Variants in ARHGAP15 observed in about 807,000 individuals in gnomAD.
ARHGAP15 encodes the protein rho GTPase-activating protein 15.
Under a neutral mutation model 63.7 loss-of-function variants are expected in ARHGAP15, and 51 were observed. The observed-to-expected ratio is 0.80, with a 90% CI of 0.64 to 1.01. ARHGAP15 has a LOEUF of 1.01. ARHGAP15 is among the 50% of genes least tolerant of loss of function. ARHGAP15 has a pLI of 0.00. For missense variants in ARHGAP15, 560 were observed against 564.6 expected (o/e 0.99, Z 0.08); for synonymous variants, 191 against 193.8 (o/e 0.99, Z 0.12).
chr2:143,379,531 G>GTA (rs1172037943), intron 6 of ARHGAP15, among the ~76,000 whole-genome samples: 5 of 142,492 alleles, frequency 3.5e-5, no homozygotes, highest in African/African-American at 1.3e-4. Flanking sequence ...GTGTGTGTGT[G>GTA]TATGAGAGAG....
intron 6 of ARHGAP15, among the ~76,000 whole-genome samples, chr2:143,305,023 A>G (rs1035118280): frequency 6.6e-6 from 1 of 152,110 alleles, no homozygotes; most frequent in African/African-American, 2.4e-5. Flanking sequence ...AGACACATGC[A>G]CACATATGTC....
At chr2:143,476,070 C>G (rs1416282918) in intron 8 of ARHGAP15, among the ~76,000 whole-genome samples, 1 of 152,054 alleles carries the variant, frequency 6.6e-6, no homozygotes. Context: ...TTCAGGAATA[C>G]CCTGAGAATT....
intron 4 of ARHGAP15, 25 bp from the exon 5 acceptor site, chr2:143,228,556 T>G: frequency 6.6e-7 from 1 of 1,511,498 alleles, no homozygotes; most frequent in Non-Finnish European, 9.1e-7. Context: ...AATGCTTTCT[T>G]TCCCTTTTAT....
chr2:143,627,269 T>C lies in ARHGAP15; in HGVS notation c.1138+3002T>C, dbSNP rs569502207. 5.9e-5 allele frequency among the ~76,000 whole-genome samples: 9 copies of C among 152,320 alleles called. No homozygotes were observed. In the South Asian group the frequency reaches 1.9e-3, roughly 32 times the overall value. On this transcript the variant is annotated intron_variant, in intron 12 of 13. Coordinates refer to ENST00000295095, the MANE Select transcript of ARHGAP15 (RefSeq NM_018460.4). ...AGTAGAATGTCATTATTTTTTAATA[T>C]GTAAAACAGAGGGATCAACCAACAG...
chr2:143,592,572 T>C (rs1697361954), intron 11 of ARHGAP15, among the ~76,000 whole-genome samples: 1 of 152,206 alleles, frequency 6.6e-6, no homozygotes, highest in South Asian at 2.1e-4. Flanking sequence ...TGCAGGTATA[T>C]TGAGGAGGGA....
chr2:143,489,685 T>A (rs989809851), intron 9 of ARHGAP15, among the ~76,000 whole-genome samples: 1 of 152,202 alleles, frequency 6.6e-6, no homozygotes, highest in Non-Finnish European at 1.5e-5. Flanking sequence ...TTTTAATCAG[T>A]TAAGAAAAAT....
chr2:143,253,123 A>T (rs1234211522), intron 6 of ARHGAP15, among the ~76,000 whole-genome samples: 1 of 152,070 alleles, frequency 6.6e-6, no homozygotes, highest in African/African-American at 2.4e-5. Flanking sequence ...TAGATTACAG[A>T]TAGCAAATGA....
intron 6 of ARHGAP15, among the ~76,000 whole-genome samples, chr2:143,365,117 G>A (rs750106133): frequency 6.6e-6 from 1 of 152,144 alleles, no homozygotes. Flanking sequence ...TAGTACACCC[G>A]AATAAGGAAA....
intron 6 of ARHGAP15, among the ~76,000 whole-genome samples, chr2:143,304,972 C>T (rs1428839601): frequency 2.0e-5 from 3 of 152,054 alleles, no homozygotes; most frequent in Non-Finnish European, 4.4e-5. Flanking sequence ...AATCCCATTA[C>T]TAGGTATATA....
Position 143,487,435 on chromosome 2 carries a change from A to G in ARHGAP15, c.766A>G (p.Lys256Glu), listed in dbSNP as rs753245152. 1 of 1,613,796 alleles carries G rather than the reference A, an allele frequency of 6.2e-7. No homozygotes were observed. Among genetic ancestry groups the G allele is most frequent in the Non-Finnish European group, 8.5e-7 (1 of 1,179,902 alleles). ...SDKNRVKSRL[K>E]KFITRRPSLK... ...CAAAAATCGAGTTAAAAGCAGATTAAAGAAGTTTATTACCCGAAGACCTTC... is the reference window on the plus strand; with the variant it reads ...CAAAAATCGAGTTAAAAGCAGATTAGAGAAGTTTATTACCCGAAGACCTTC... Residue 256 changes from lysine (K) to glutamate (E), a missense_variant, in exon 9 of 14, where the codon AAG (lysine) becomes GAG (glutamate). By Grantham distance (56) the Lys-to-Glu change is moderately conservative. Transcript: ENST00000295095.
chr2:143,482,482 T>C (rs1437293614), intron 8 of ARHGAP15, among the ~76,000 whole-genome samples: 2 of 152,220 alleles, frequency 1.3e-5, no homozygotes, highest in Non-Finnish European at 2.9e-5. Flanking sequence ...ACTTGGGTGC[T>C]GTGGGAAAAT....
intron 13 of ARHGAP15, among the ~76,000 whole-genome samples, chr2:143,748,958 G>A (rs1259717314): frequency 2.0e-5 from 3 of 152,036 alleles, no homozygotes; most frequent in South Asian, 2.1e-4. Flanking sequence ...GTATATCATA[G>A]AATATCTGAT....
rs549814784 is a variant in ARHGAP15, at chr2:143,657,220, G to A, written c.1138+32953G>A. ...AAATTAGCCGGGCGTTGCGGCTGGC[G>A]CTTGTAGTCCCAGCTACTCCGGAGG... is the stretch of plus-strand genomic sequence containing the variant. On this transcript the variant is annotated intron_variant, in intron 12 of 13. Transcript: ENST00000295095. Among the ~76,000 whole-genome samples, 9 of 152,136 alleles carry A rather than the reference G, an allele frequency of 5.9e-5. 1 individual carries two copies. Among genetic ancestry groups the A allele is most frequent in the Admixed American group, 5.2e-4 (8 of 15,286 alleles).
At chr2:143,479,321 C>T (rs576354652) in intron 8 of ARHGAP15, among the ~76,000 whole-genome samples, 1 of 151,764 alleles carries the variant, frequency 6.6e-6, no homozygotes, top group African/African-American at 2.4e-5. Context: ...AATTACCACG[C>T]CTACAACTCT....
rs539639821 is a variant in ARHGAP15, at chr2:143,338,703, T to C, written c.474+88103T>C. Among the ~76,000 whole-genome samples, 10 of 152,198 alleles carry C rather than the reference T, an allele frequency of 6.6e-5. No homozygotes were observed. In the East Asian group the frequency reaches 1.9e-3, roughly 29 times the overall value. On this transcript the variant is annotated intron_variant, in intron 6 of 13. Coordinates refer to ENST00000295095, the MANE Select transcript of ARHGAP15 (RefSeq NM_018460.4). ...AAGGTAAAATCAACCAAACCAAAAC[T>C]TCACTGTAAGGCATGACTTTTGACC... is the stretch of plus-strand genomic sequence containing the variant.
intron 6 of ARHGAP15, among the ~76,000 whole-genome samples, chr2:143,396,019 C>G (rs1469154536): frequency 6.6e-6 from 1 of 152,090 alleles, no homozygotes; most frequent in African/African-American, 2.4e-5. Context: ...CCAGGAAACA[C>G]AAGTACTTCC....
At position 143,590,707 on chromosome 2, in the gene ARHGAP15, A is replaced by G. The variant is rs75803395; in HGVS notation, c.1004-33426A>G. Among the ~76,000 whole-genome samples the G allele has an allele frequency of 2.8e-3, 421 of 152,252 alleles. 12 individuals are homozygous for G. The East Asian group carries it at 0.064, about 23-fold the overall frequency. On this transcript the variant is annotated intron_variant, in intron 11 of 13. Coordinates refer to ENST00000295095, the MANE Select transcript of ARHGAP15 (RefSeq NM_018460.4). Reference sequence around the variant, plus strand: ...ATTATCTTTATTTTTCTAGTAGACTACAAGATACTTGAAGGCAGGGTGTGT... The same window carrying G: ...ATTATCTTTATTTTTCTAGTAGACTGCAAGATACTTGAAGGCAGGGTGTGT...
chr2:143,417,234 C>T (rs990308378), intron 6 of ARHGAP15, among the ~76,000 whole-genome samples: 1 of 152,004 alleles, frequency 6.6e-6, no homozygotes, highest in African/African-American at 2.4e-5. Context: ...CATTACTTGT[C>T]ACATTTTCTA....
chr2:143,440,237 A>G (rs2105102832), intron 8 of ARHGAP15, among the ~76,000 whole-genome samples: 1 of 152,306 alleles, frequency 6.6e-6, no homozygotes, highest in South Asian at 2.1e-4. Flanking sequence ...GATGCTTTGT[A>G]AAATATATTT....
Sources: allele counts gnomAD v4.1 joint callset (sites outside exome capture counted in the v4.1 genomes callset), GRCh38; gene constraint gnomAD v4.1.1; transcripts MANE v1.5; gene names NCBI Gene and HGNC (gene_info 2026-07-23, HGNC 2026-07-21).